The following PRR5L variants were observed in gnomAD, a reference collection of about 807,000 sequenced individuals.
PRR5L encodes proline rich 5 like.
Under a neutral mutation model 36.4 loss-of-function variants are expected in PRR5L, and 21 were observed. The ratio of observed to expected loss-of-function variants is 0.58; its 90% CI spans 0.41 to 0.83. The LOEUF (loss-of-function observed/expected upper bound fraction) is 0.83, where lower values mean the gene tolerates loss of function less well. PRR5L is among the 40% of genes least tolerant of loss of function. The pLI, the probability that PRR5L is intolerant of heterozygous loss-of-function variation, is 0.00. For missense variants in PRR5L, 381 were observed against 473.3 expected, an observed-to-expected ratio of 0.80 and a Z score of 1.81; for synonymous variants, 188 against 197.0, an observed-to-expected ratio of 0.95 and a Z score of 0.38.
chr11:36,405,439 A>G (rs1178015930), intron 3 of PRR5L, among the ~76,000 whole-genome samples: 1 of 152,230 alleles, frequency 6.6e-6, no homozygotes. Context: ...GCCCTTTTAT[A>G]ACACCAGCCA....
At chr11:36,387,006 C>G (rs758887233) in intron 1 of PRR5L, among the ~76,000 whole-genome samples, 9 of 152,092 alleles carry the variant, frequency 5.9e-5, no homozygotes, top group Non-Finnish European at 1.0e-4. Flanking sequence ...TGGGCTGGCG[C>G]AGGGGCAGGC....
At position 36,464,814 on chromosome 11, in the gene PRR5L, G is replaced by GTCA. The variant is rs1284976654; in HGVS notation, c.*2082_*2084dup. ...TTAAATGTCCCTGATGAGGAGAGCA[G>GTCA]TCATCAATTAAATATATAAGCTCTT... is the stretch of plus-strand genomic sequence containing the variant. On this transcript the variant is annotated 3_prime_UTR_variant, in exon 9 of 9. Transcript: ENST00000530639. The GTCA allele has an allele frequency of 6.6e-6, 1 of 152,212 alleles. No individual in the cohort carries two copies. Among genetic ancestry groups the GTCA allele is most frequent in the African/African-American group, 2.4e-5 (1 of 41,440 alleles). The allele number at this position is 152,212 out of a possible 1,614,324, so 9.4% of individuals were successfully genotyped here.
chr11:36,325,161 A>G (rs140879318), intron 1 of PRR5L, among the ~76,000 whole-genome samples: 14,022 of 152,268 alleles, frequency 0.092, 794 homozygotes, highest in African/African-American at 0.16. Context: ...ATTAGAAGCC[A>G]TGGGTCACGG....
chr11:36,454,262 G>C (rs1859003154), intron 8 of PRR5L, among the ~76,000 whole-genome samples: 1 of 152,000 alleles, frequency 6.6e-6, no homozygotes, highest in South Asian at 2.1e-4. Context: ...TAGCCCAAGA[G>C]GGATCCTAAG....
chr11:36,395,021 A>G (rs1343146941), intron 1 of PRR5L, among the ~76,000 whole-genome samples: 1 of 152,028 alleles, frequency 6.6e-6, no homozygotes, highest in African/African-American at 2.4e-5. Flanking sequence ...CTGCAATGCT[A>G]TTTCTAGGCT....
At chr11:36,346,885 T>C (rs1445995752) in intron 1 of PRR5L, among the ~76,000 whole-genome samples, 1 of 152,196 alleles carries the variant, frequency 6.6e-6, no homozygotes, top group Non-Finnish European at 1.5e-5. Flanking sequence ...CCATACAGTT[T>C]TTGCTACAAC....
intron 2 of PRR5L, among the ~76,000 whole-genome samples, chr11:36,403,081 C>A (rs111504329): frequency 1.3e-5 from 2 of 152,326 alleles, no homozygotes; most frequent in African/African-American, 4.8e-5. Context: ...GGAAGACCTG[C>A]TGGCTTGCAA....
intron 1 of PRR5L, among the ~76,000 whole-genome samples, chr11:36,366,877 C>T (rs1027081160): frequency 2.0e-5 from 3 of 152,114 alleles, no homozygotes; most frequent in Non-Finnish European, 2.9e-5. Flanking sequence ...TAAAACTCCT[C>T]TCTCCTTCTT....
chr11:36,301,691 C>A lies in PRR5L; in HGVS notation c.-126+5253C>A, dbSNP rs192074556. 2.0e-4 allele frequency among the ~76,000 whole-genome samples: 31 copies of A among 152,238 alleles called. No individual in the cohort carries two copies. The East Asian group carries it at 5.4e-3, about 27-fold the overall frequency. The stretch of plus-strand genomic sequence containing the variant: ...CTGGGAGAGGAGAGCAGAGGGGACA[C>A]CTTCCATTCCTTACAGAGCCCTTGG... On this transcript the variant is annotated intron_variant, in intron 1 of 8. Coordinates refer to ENST00000530639, the MANE Select transcript of PRR5L (RefSeq NM_001160167.2).
rs549919814 is a variant in PRR5L at position 36,314,915 on chromosome 11, A to G, written c.-126+18477A>G. Among the ~76,000 whole-genome samples, 21 of 152,304 alleles carry G rather than the reference A, an allele frequency of 1.4e-4. No individual in the cohort carries two copies. In the South Asian group the frequency reaches 3.7e-3, roughly 27 times the overall value. On this transcript the variant is annotated intron_variant, in intron 1 of 8. Transcript: ENST00000530639. ...AATGAAGATAATGCAAGGACTGTGG[A>G]GGTTGCTAGGAAGAAGTGAAATCAT...
At chr11:36,438,507 C>T (rs1311227961) in intron 6 of PRR5L, among the ~76,000 whole-genome samples, 1 of 152,164 alleles carries the variant, frequency 6.6e-6, no homozygotes, top group Non-Finnish European at 1.5e-5. Flanking sequence ...ATGTTAGACC[C>T]ACCCCATAAC....
intron 1 of PRR5L, among the ~76,000 whole-genome samples, chr11:36,368,560 T>C (rs969770999): frequency 2.6e-5 from 4 of 152,188 alleles, no homozygotes; most frequent in Non-Finnish European, 5.9e-5. Flanking sequence ...AAAACTATTT[T>C]CATAGAAAAC....
chr11:36,395,448 G>A (rs1163766721), intron 1 of PRR5L, among the ~76,000 whole-genome samples: 1 of 152,188 alleles, frequency 6.6e-6, no homozygotes, highest in African/African-American at 2.4e-5. Flanking sequence ...CACATTTCAA[G>A]TTCTCAATAG....
chr11:36,349,280 A>C (rs1047741031), intron 1 of PRR5L, among the ~76,000 whole-genome samples: 9 of 20,142 alleles, frequency 4.5e-4, no homozygotes, highest in African/African-American at 1.1e-3. Context: ...AGACTCTGCC[A>C]AAAAAAAAAA....
chr11:36,303,458 C>G (rs971222274), intron 1 of PRR5L, among the ~76,000 whole-genome samples: 1 of 152,238 alleles, frequency 6.6e-6, no homozygotes, highest in African/African-American at 2.4e-5. Flanking sequence ...CTGTGAGGAG[C>G]AGACTGTTGT....
chr11:36,334,792 CT>C (rs1856752615), intron 1 of PRR5L, among the ~76,000 whole-genome samples: 1 of 152,148 alleles, frequency 6.6e-6, no homozygotes, highest in Non-Finnish European at 1.5e-5. Flanking sequence ...TAACTCAGTA[CT>C]TAGCAAGGCA....
intron 1 of PRR5L, among the ~76,000 whole-genome samples, chr11:36,297,937 G>A (rs755690891): frequency 2.6e-5 from 4 of 152,204 alleles, no homozygotes; most frequent in African/African-American, 7.2e-5. Context: ...CTGGAAGTCC[G>A]TACTTGGTTA....
chr11:36,391,252 C>A (rs1273740251), intron 1 of PRR5L, among the ~76,000 whole-genome samples: 2 of 152,160 alleles, frequency 1.3e-5, no homozygotes, highest in African/African-American at 4.8e-5. Context: ...TTTTCAGAGT[C>A]AAAGGTTGGA....
Position 36,384,824 on chromosome 11 carries a change from C to T in PRR5L, c.-125-16173C>T, listed in dbSNP as rs330251. ...AGTAGGTAGGACTACAGGCATGTAC[C>T]ACCATGCCTGGCTTTTTTTTTTTTT... is the stretch of plus-strand genomic sequence containing the variant. On this transcript the variant is annotated intron_variant, in intron 1 of 8. Transcript: ENST00000530639. 4.0e-3 allele frequency among the ~76,000 whole-genome samples: 599 copies of T among 150,380 alleles called. 4 individuals carry two copies. Among genetic ancestry groups the T allele is most frequent in the African/African-American group, 0.013 (534 of 40,868 alleles).
Sources: gnomAD v4.1 joint callset for allele counts (sites outside exome capture counted in the v4.1 genomes callset) on GRCh38, gnomAD v4.1.1 for gene constraint, MANE v1.5 for transcripts, NCBI Gene and HGNC (gene_info 2026-07-23, HGNC 2026-07-21) for gene names.